Variants in TCF4 observed in about 807,000 individuals in gnomAD.
TCF4 encodes the protein transcription factor 4.
TCF4 carries 3 observed loss-of-function variants against 82.1 expected under a neutral mutation model. The ratio of observed to expected loss-of-function variants is 0.04; its 90% CI spans 0.02 to 0.09. The LOEUF is 0.09. Ranked by LOEUF, TCF4 falls within the 10% of genes least tolerant of loss-of-function variation. The pLI, the probability that TCF4 is intolerant of heterozygous loss-of-function variation, is 1.00. For synonymous variants in TCF4, 276 were observed against 309.6 expected, an observed-to-expected ratio of 0.89 and a Z score of 1.14; for missense variants, 518 against 852.7, an observed-to-expected ratio of 0.61 and a Z score of 4.89.
intron 5 of TCF4, among the ~76,000 whole-genome samples, chr18:55,439,600 C>A (rs2095399613): frequency 1.3e-5 from 2 of 152,190 alleles, no homozygotes; most frequent in Admixed American, 6.5e-5. Flanking sequence ...TCAGTGATCA[C>A]CTAGGACACA....
chr18:55,588,099 AC>A lies in TCF4; in HGVS notation c.-83del. On this transcript the variant is annotated 5_prime_UTR_variant, in exon 1 of 20. Transcript: ENST00000354452. ...GGCGCCGAGGCGGCGTTCATGTCTA[AC>A]CGCCGCCGCCACCGCCGCCGCCTGC... The A allele has an allele frequency of 9.8e-7, 1 of 1,018,756 alleles. No homozygotes were observed. The highest frequency in any genetic ancestry group is 4.4e-5 in the South Asian group (1 of 22,904). 63.1% of individuals were successfully genotyped at this position (1,018,756 alleles called of 1,614,324 possible). A position where few individuals can be genotyped will look rare whatever the true frequency, so the allele number is the denominator to read the frequency against.
intron 5 of TCF4, chr18:55,404,071 T>C (rs981868209): frequency 1.8e-6 from 2 of 1,107,494 alleles, no homozygotes; most frequent in Admixed American, 4.7e-5. Flanking sequence ...TGATGGAATT[T>C]ACATTTGGGA....
chr18:55,389,970 C>G (rs1569321938), intron 6 of TCF4, among the ~76,000 whole-genome samples: 1 of 152,078 alleles, frequency 6.6e-6, no homozygotes, highest in Non-Finnish European at 1.5e-5. Context: ...TCAGTCATCA[C>G]ACCAAGGGAC....
intron 2 of TCF4, chr18:55,586,147 G>GC: frequency 3.1e-6 from 4 of 1,302,760 alleles, no homozygotes; most frequent in Non-Finnish European, 1.0e-6. Context: ...GGAGGAGGAG[G>GC]AGGAGGAGCA....
At chr18:55,589,368 G>C (rs779878550), upstream of TCF4, 77 of 1,053,638 alleles carry the variant, frequency 7.3e-5, no homozygotes, top group South Asian at 1.8e-4. Context: ...AAAATCTTCT[G>C]CAAGTACTTA....
chr18:55,290,035 A>G (rs746632227), intron 8 of TCF4, among the ~76,000 whole-genome samples: 18 of 152,240 alleles, frequency 1.2e-4, no homozygotes, highest in Non-Finnish European at 1.9e-4. Flanking sequence ...GAATAACATC[A>G]TAACACAGAG....
intron 3 of TCF4, among the ~76,000 whole-genome samples, chr18:55,548,700 A>G (rs1406342841): frequency 1.3e-5 from 2 of 152,218 alleles, no homozygotes; most frequent in African/African-American, 2.4e-5. Flanking sequence ...TATTGCTCCA[A>G]GGCTACAAAC....
At chr18:55,620,497 A>G (rs2097716652) in intron 2 of TCF4, among the ~76,000 whole-genome samples, 1 of 152,144 alleles carries the variant, frequency 6.6e-6, no homozygotes, top group Non-Finnish European at 1.5e-5. Context: ...TTCCTGGACC[A>G]TAGGTTGTTT....
At chr18:55,326,201 C>T (rs144660669) in intron 8 of TCF4, among the ~76,000 whole-genome samples, 1 of 152,146 alleles carries the variant, frequency 6.6e-6, no homozygotes, top group East Asian at 1.9e-4. Flanking sequence ...CCTTGCTGCT[C>T]CCCAGCAGTG....
chr18:55,329,348 C>A (rs2077120625), intron 8 of TCF4, among the ~76,000 whole-genome samples: 2 of 152,142 alleles, frequency 1.3e-5, no homozygotes, highest in Admixed American at 6.5e-5. Context: ...TATATACCCA[C>A]CCCACACATA....
intron 8 of TCF4, among the ~76,000 whole-genome samples, chr18:55,324,394 C>T (rs2076208331): frequency 6.6e-6 from 1 of 152,176 alleles, no homozygotes; most frequent in Non-Finnish European, 1.5e-5. Context: ...GACATTTCTG[C>T]GATCTCAGCC....
intron 3 of TCF4, among the ~76,000 whole-genome samples, chr18:55,508,325 T>C (rs766604243): frequency 4.5e-4 from 69 of 152,234 alleles, no homozygotes; most frequent in Admixed American, 1.6e-3. Flanking sequence ...TTCCTAAATT[T>C]TCCTCCGTTA....
At chr18:55,612,659 C>T (rs1003977245) in intron 2 of TCF4, among the ~76,000 whole-genome samples, 6 of 151,900 alleles carry the variant, frequency 3.9e-5, no homozygotes, top group Admixed American at 2.0e-4. Context: ...GGTGCAGTTT[C>T]GATACAAGAA....
chr18:55,535,301 G>C (rs1462004160), intron 3 of TCF4, among the ~76,000 whole-genome samples: 1 of 152,082 alleles, frequency 6.6e-6, no homozygotes, highest in African/African-American at 2.4e-5. Context: ...AAGATATAAG[G>C]GTCTGTCATA....
intron 8 of TCF4, among the ~76,000 whole-genome samples, chr18:55,292,179 T>C (rs903351807): frequency 6.6e-6 from 1 of 152,160 alleles, no homozygotes; most frequent in African/African-American, 2.4e-5. Flanking sequence ...TTCAAAAAAA[T>C]GTGCTACTGG....
intron 3 of TCF4, among the ~76,000 whole-genome samples, chr18:55,469,999 C>T (rs894928775): frequency 2.6e-5 from 4 of 152,282 alleles, no homozygotes; most frequent in Non-Finnish European, 5.9e-5. Context: ...GAAGAAAACA[C>T]ATTTTTTGCC....
intron 3 of TCF4, among the ~76,000 whole-genome samples, chr18:55,525,323 T>G (rs2096971120): frequency 6.6e-6 from 1 of 151,894 alleles, no homozygotes; most frequent in African/African-American, 2.4e-5. Flanking sequence ...GGTTAATGAC[T>G]CTCTATAAAG....
chr18:55,533,844 G>A (rs1267762424), intron 3 of TCF4, among the ~76,000 whole-genome samples: 5 of 151,890 alleles, frequency 3.3e-5, no homozygotes, highest in East Asian at 3.9e-4. Flanking sequence ...ACCTCTTATC[G>A]TCTCATCTAC....
intron 8 of TCF4, among the ~76,000 whole-genome samples, chr18:55,285,449 A>T (rs1020303977): frequency 1.3e-5 from 2 of 152,246 alleles, no homozygotes; most frequent in African/African-American, 4.8e-5. Context: ...CTCATTGCTT[A>T]TAATTATTTT....
Sources: gnomAD v4.1 joint callset for allele counts (sites outside exome capture counted in the v4.1 genomes callset) on GRCh38, gnomAD v4.1.1 for gene constraint, MANE v1.5 for transcripts, NCBI Gene and HGNC (gene_info 2026-07-23, HGNC 2026-07-21) for gene names.